Variants in GRIN2B observed in about 807,000 individuals in gnomAD.
GRIN2B encodes the protein glutamate receptor ionotropic, NMDA 2B.
A neutral mutation model predicts 114.5 loss-of-function variants in GRIN2B; 5 were observed. The ratio of observed to expected loss-of-function variants is 0.04; its 90% CI spans 0.02 to 0.09. The LOEUF is 0.09. Ranked by LOEUF, GRIN2B falls within the 10% of genes least tolerant of loss-of-function variation. GRIN2B has a pLI of 1.00. For missense variants in GRIN2B, 1,108 were observed against 1,943.5 expected (o/e 0.57, Z 8.08); for synonymous variants, 787 against 745.1 (o/e 1.06, Z -0.92).
At chr12:13,723,383 T>C (rs1167743427) in intron 4 of GRIN2B, among the ~76,000 whole-genome samples, 1 of 151,906 alleles carries the variant, frequency 6.6e-6, no homozygotes, top group East Asian at 1.9e-4. Context: ...CCACTTGCTG[T>C]CAGCAATGCT....
At chr12:13,850,801 G>A (rs1342516436) in intron 3 of GRIN2B, among the ~76,000 whole-genome samples, 1 of 152,192 alleles carries the variant, frequency 6.6e-6, no homozygotes. Context: ...GCATACTGGT[G>A]AAATCCATGG....
At chr12:13,903,304 A>G (rs1373731573) in intron 2 of GRIN2B, among the ~76,000 whole-genome samples, 1 of 152,006 alleles carries the variant, frequency 6.6e-6, no homozygotes, top group Admixed American at 6.6e-5. Context: ...TCCTAACTTC[A>G]TGAGACAGAT....
At chr12:13,978,730 C>CAT (rs1331136079) in intron 2 of GRIN2B, among the ~76,000 whole-genome samples, 1 of 152,180 alleles carries the variant, frequency 6.6e-6, no homozygotes, top group African/African-American at 2.4e-5. Flanking sequence ...AGTTCAGGGA[C>CAT]ATATGGTCAG....
At chr12:13,711,307 C>T (rs1462680819) in intron 4 of GRIN2B, among the ~76,000 whole-genome samples, 4 of 152,050 alleles carry the variant, frequency 2.6e-5, no homozygotes, top group African/African-American at 9.7e-5. Context: ...CCATTCAGGA[C>T]ATAGGCATGG....
At chr12:13,652,394 G>A (rs190861357) in intron 5 of GRIN2B, among the ~76,000 whole-genome samples, 24 of 151,944 alleles carry the variant, frequency 1.6e-4, no homozygotes, top group Admixed American at 2.0e-4. Flanking sequence ...AATGGAGGCC[G>A]CAGAGAAGTC....
At chr12:13,696,024 C>T (rs887195661) in intron 4 of GRIN2B, among the ~76,000 whole-genome samples, 2 of 152,120 alleles carry the variant, frequency 1.3e-5, no homozygotes, top group African/African-American at 4.8e-5. Context: ...AGGTATGACA[C>T]CTTGTATTTA....
intron 3 of GRIN2B, among the ~76,000 whole-genome samples, chr12:13,824,855 CAAAAA>C (rs34417194): frequency 3.0e-4 from 29 of 95,116 alleles, no homozygotes; most frequent in East Asian, 2.4e-3. Flanking sequence ...GACTCCATTT[CAAAAA>C]AAAAAAAAAA....
intron 12 of GRIN2B, among the ~76,000 whole-genome samples, chr12:13,568,936 T>G (rs1188779645): frequency 6.6e-6 from 1 of 152,200 alleles, no homozygotes. Flanking sequence ...CCCTGCCTTC[T>G]GCCTCTTCCA....
At chr12:13,840,550 G>T (rs564496918) in intron 3 of GRIN2B, among the ~76,000 whole-genome samples, 3 of 151,966 alleles carry the variant, frequency 2.0e-5, no homozygotes, top group African/African-American at 7.2e-5. Context: ...TTACCTCACA[G>T]GATTATAGAA....
Position 13,547,416 on chromosome 12 carries a change from G to C in GRIN2B, c.*15367C>G, listed in dbSNP as rs1948357378. The C allele has an allele frequency of 6.6e-6, 1 of 152,134 alleles. No homozygotes were observed. Among genetic ancestry groups the C allele is most frequent in the Admixed American group, 6.5e-5 (1 of 15,282 alleles). 9.4% of individuals were successfully genotyped at this position (152,134 alleles called of 1,614,324 possible). A position where few individuals can be genotyped will look rare whatever the true frequency, so the allele number is the denominator to read the frequency against. ...GGGTGATCATGTGTCTCAAAGAAGAGATAACTTTGAGGGAGAGGATGAAAA... is the reference window on the plus strand; with the variant it reads ...GGGTGATCATGTGTCTCAAAGAAGACATAACTTTGAGGGAGAGGATGAAAA... On this transcript the variant is annotated 3_prime_UTR_variant, in exon 14 of 14. Transcript: ENST00000609686.
chr12:13,705,896 G>A (rs993738394), intron 4 of GRIN2B, among the ~76,000 whole-genome samples: 4 of 152,110 alleles, frequency 2.6e-5, no homozygotes, highest in African/African-American at 9.7e-5. Context: ...TTAATGAAGG[G>A]TTGTTATTAG....
intron 3 of GRIN2B, among the ~76,000 whole-genome samples, chr12:13,843,955 C>T (rs1274487279): frequency 6.6e-6 from 1 of 152,198 alleles, no homozygotes; most frequent in African/African-American, 2.4e-5. Context: ...TTTTAGCCTA[C>T]ATTCAACAGC....
intron 2 of GRIN2B, among the ~76,000 whole-genome samples, chr12:13,894,409 T>C (rs971378222): frequency 6.6e-6 from 1 of 152,144 alleles, no homozygotes; most frequent in African/African-American, 2.4e-5. Flanking sequence ...AAAAAAATTA[T>C]GTTTACCAAG....
At chr12:13,891,008 C>T (rs568484357) in intron 2 of GRIN2B, among the ~76,000 whole-genome samples, 31 of 152,280 alleles carry the variant, frequency 2.0e-4, no homozygotes, top group African/African-American at 5.8e-4. Flanking sequence ...AGCCAATCTC[C>T]GCTCCCTATC....
intron 4 of GRIN2B, among the ~76,000 whole-genome samples, chr12:13,705,220 TA>T (rs1273983475): frequency 3.3e-5 from 5 of 152,158 alleles, no homozygotes; most frequent in Non-Finnish European, 5.9e-5. Context: ...TATTACCCAT[TA>T]TCTCCCTAAC....
At chr12:13,624,147 TTAAAA>T in intron 5 of GRIN2B, among the ~76,000 whole-genome samples, 1 of 152,340 alleles carries the variant, frequency 6.6e-6, no homozygotes. Flanking sequence ...GGCTATCATA[TTAAAA>T]TGTTAGCTGT....
chr12:13,879,709 T>C (rs1382872236), intron 2 of GRIN2B, among the ~76,000 whole-genome samples: 2 of 152,202 alleles, frequency 1.3e-5, no homozygotes, highest in Non-Finnish European at 2.9e-5. Context: ...ACCATCGCCA[T>C]AGGAATGGCA....
chr12:13,737,229 T>G (rs1175311352), intron 4 of GRIN2B, among the ~76,000 whole-genome samples: 1 of 151,868 alleles, frequency 6.6e-6, no homozygotes, highest in Non-Finnish European at 1.5e-5. Context: ...TTCTTTTTTT[T>G]GAGATGGAGT....
intron 5 of GRIN2B, among the ~76,000 whole-genome samples, chr12:13,634,636 C>T (rs1949651197): frequency 6.6e-6 from 1 of 152,170 alleles, no homozygotes; most frequent in African/African-American, 2.4e-5. Context: ...CACATGGCCA[C>T]ACCTCACCAT....
Sources: gnomAD v4.1 joint callset for allele counts (sites outside exome capture counted in the v4.1 genomes callset) on GRCh38, gnomAD v4.1.1 for gene constraint, MANE v1.5 for transcripts, NCBI Gene and HGNC (gene_info 2026-07-23, HGNC 2026-07-21) for gene names.